The following MTFR1 variants were observed in gnomAD, a reference collection of about 807,000 sequenced individuals.
MTFR1 encodes the protein chondrocyte protein with a poly-proline region.
MTFR1 carries 28 observed loss-of-function variants against 38.8 expected under a neutral mutation model. That is an observed-to-expected ratio of 0.72 (90% CI 0.53 to 0.99). MTFR1 has a LOEUF of 0.99. MTFR1 is among the 50% of genes least tolerant of loss of function. The pLI, the probability that MTFR1 is intolerant of heterozygous loss-of-function variation, is 0.00. For synonymous variants in MTFR1, 145 were observed against 137.0 expected, an observed-to-expected ratio of 1.06 and a Z score of -0.41; for missense variants, 358 against 395.5, an observed-to-expected ratio of 0.91 and a Z score of 0.81.
intron 3 of MTFR1, among the ~76,000 whole-genome samples, chr8:65,755,666 T>C (rs1808199662): frequency 6.6e-6 from 1 of 152,250 alleles, no homozygotes; most frequent in South Asian, 2.1e-4. Flanking sequence ...AAACCAAAAA[T>C]ATAACACTGG....
At chr8:65,770,570 G>A (rs1201470672) in intron 3 of MTFR1, among the ~76,000 whole-genome samples, 1 of 152,090 alleles carries the variant, frequency 6.6e-6, no homozygotes, top group Admixed American at 6.5e-5. Flanking sequence ...ATTTGGGAGG[G>A]GACACAGCCA....
intron 3 of MTFR1, among the ~76,000 whole-genome samples, chr8:65,689,097 A>T (rs1316911936): frequency 6.6e-6 from 1 of 152,196 alleles, no homozygotes; most frequent in Non-Finnish European, 1.5e-5. Context: ...GTGAACTGAG[A>T]TTGCGCCACT....
chr8:65,699,710 G>A (rs2129057652), intron 4 of MTFR1, among the ~76,000 whole-genome samples: 1 of 152,262 alleles, frequency 6.6e-6, no homozygotes, highest in Admixed American at 6.5e-5. Context: ...GTCCAAGTGG[G>A]AGCCGCAAGT....
intron 1 of MTFR1, among the ~76,000 whole-genome samples, chr8:65,664,028 C>CT (rs905198519): frequency 2.6e-5 from 4 of 151,988 alleles, no homozygotes; most frequent in African/African-American, 9.7e-5. Context: ...GTTGGCCAGG[C>CT]TGGTCTCGAA....
chr8:65,659,666 G>A (rs954147437), intron 1 of MTFR1, among the ~76,000 whole-genome samples: 6 of 152,096 alleles, frequency 3.9e-5, no homozygotes, highest in Non-Finnish European at 5.9e-5. Flanking sequence ...GACAGGAAGC[G>A]GGTAGGCTGT....
intron 3 of MTFR1, among the ~76,000 whole-genome samples, chr8:65,763,514 G>A (rs1236206775): frequency 2.6e-5 from 4 of 151,976 alleles, no homozygotes; most frequent in African/African-American, 7.3e-5. Flanking sequence ...GAGGTGAGCC[G>A]AGATCATGCC....
intron 3 of MTFR1, chr8:65,689,465 G>T: frequency 5.7e-6 from 3 of 530,154 alleles, no homozygotes; most frequent in South Asian, 4.5e-5. Context: ...TGAATTTTGG[G>T]TAATTTAGTG....
chr8:65,750,677 A>G (rs915237945), intron 3 of MTFR1, among the ~76,000 whole-genome samples: 2 of 152,108 alleles, frequency 1.3e-5, no homozygotes, highest in Non-Finnish European at 1.5e-5. Context: ...GGTTAAGTCA[A>G]TTGGTACTGT....
At chr8:65,740,710 T>G (rs1399593746) in intron 3 of MTFR1, among the ~76,000 whole-genome samples, 3 of 152,190 alleles carry the variant, frequency 2.0e-5, no homozygotes, top group Non-Finnish European at 2.9e-5. Context: ...CAAGTTTCCC[T>G]TTCTTTCAAA....
intron 3 of MTFR1, among the ~76,000 whole-genome samples, chr8:65,683,809 G>A (rs968674867): frequency 6.6e-6 from 1 of 152,204 alleles, no homozygotes; most frequent in East Asian, 1.9e-4. Flanking sequence ...ACAGGCGTGA[G>A]CCACTGCACC....
intron 3 of MTFR1, chr8:65,747,688 T>G: frequency 6.2e-7 from 1 of 1,611,520 alleles, no homozygotes; most frequent in Non-Finnish European, 8.5e-7. Context: ...CTAAAATGTT[T>G]AGGGAATTTG....
the MTFR1 span, among the ~76,000 whole-genome samples, chr8:65,778,309 A>C: frequency 1.3e-5 from 2 of 152,146 alleles, no homozygotes; most frequent in East Asian, 3.9e-4. Context: ...AACTACCCTA[A>C]GACTTCCCTG....
chr8:65,651,058 T>C (rs998805355), intron 1 of MTFR1, among the ~76,000 whole-genome samples: 8 of 152,238 alleles, frequency 5.3e-5, no homozygotes, highest in African/African-American at 1.9e-4. Context: ...ATTGGAGCAC[T>C]TTTTTAATAT....
intron 3 of MTFR1, among the ~76,000 whole-genome samples, chr8:65,756,145 G>A (rs1429807139): frequency 6.6e-6 from 1 of 152,174 alleles, no homozygotes; most frequent in African/African-American, 2.4e-5. Flanking sequence ...ATCTTATTGA[G>A]AATCCCTTGT....
intron 2 of MTFR1, among the ~76,000 whole-genome samples, chr8:65,671,540 TAAA>T (rs34214439): frequency 2.4e-5 from 3 of 124,600 alleles, no homozygotes; most frequent in Admixed American, 1.7e-4. Flanking sequence ...ACCCTATCTT[TAAA>T]AAAAAAAAAA....
In MTFR1 at chr8:65,708,961, T is replaced by G; in HGVS notation, c.934-15T>G. 2 of 1,613,020 alleles carry G rather than the reference T, an allele frequency of 1.2e-6. No homozygotes were observed. The highest frequency in any genetic ancestry group is 2.2e-5 in the South Asian group (2 of 91,050). ...TGAACCAATATCTTTATTTATACTT[T>G]TTGTTTGTTTCTAGTTTGGGCCACA... On this transcript the variant is annotated splice_polypyrimidine_tract_variant and intron_variant, in intron 7 of 7. Transcript: ENST00000262146.
chr8:65,649,903 ATCTC>A (rs1809072583), intron 1 of MTFR1, among the ~76,000 whole-genome samples: 1 of 149,362 alleles, frequency 6.7e-6, no homozygotes, highest in African/African-American at 2.5e-5. Context: ...CAGTGGCGTG[ATCTC>A]GGCTCACTGC....
At chr8:65,766,953 C>G (rs921490604) in intron 3 of MTFR1, among the ~76,000 whole-genome samples, 2 of 152,018 alleles carry the variant, frequency 1.3e-5, no homozygotes, top group Non-Finnish European at 2.9e-5. Flanking sequence ...AGTATTAATG[C>G]CAACATTTTC....
At chr8:65,684,454 C>T (rs535953406) in intron 3 of MTFR1, among the ~76,000 whole-genome samples, 16 of 151,162 alleles carry the variant, frequency 1.1e-4, no homozygotes, top group African/African-American at 3.6e-4. Context: ...GGCACAATCT[C>T]GGCTCACTGC....
Sources: gnomAD v4.1 joint callset for allele counts (sites outside exome capture counted in the v4.1 genomes callset) on GRCh38, gnomAD v4.1.1 for gene constraint, MANE v1.5 for transcripts, NCBI Gene and HGNC (gene_info 2026-07-23, HGNC 2026-07-21) for gene names.